Variants in PDE4D observed in about 807,000 individuals in gnomAD.
PDE4D encodes 3',5'-cyclic-AMP phosphodiesterase 4D.
Under a neutral mutation model 87.4 loss-of-function variants are expected in PDE4D, and 24 were observed. The ratio of observed to expected loss-of-function variants is 0.27; its 90% CI spans 0.20 to 0.39. PDE4D has a LOEUF of 0.39. Among genes scored for constraint, PDE4D ranks in the 10% least tolerant of loss-of-function variants. PDE4D has a pLI of 1.00. For synonymous variants in PDE4D, 384 were observed against 383.2 expected (o/e 1.00, Z -0.02); for missense variants, 714 against 1,041.0 (o/e 0.69, Z 4.32).
At chr5:60,177,511 G>T (rs896133815) in intron 2 of PDE4D, among the ~76,000 whole-genome samples, 4 of 152,132 alleles carry the variant, frequency 2.6e-5, no homozygotes, top group Non-Finnish European at 5.9e-5. Context: ...GGCAATGAAT[G>T]TCCGACAAAC....
At chr5:60,516,774 A>AT (rs147324646) in intron 1 of PDE4D, among the ~76,000 whole-genome samples, 13,203 of 152,288 alleles carry the variant, frequency 0.087, 760 homozygotes, top group Non-Finnish European at 0.12. Flanking sequence ...ACACTAAGGT[A>AT]GGTAATGTAA....
intron 1 of PDE4D, among the ~76,000 whole-genome samples, chr5:59,652,375 C>T (rs910453936): frequency 6.6e-6 from 1 of 152,134 alleles, no homozygotes; most frequent in Non-Finnish European, 1.5e-5. Flanking sequence ...CCATAATTCC[C>T]CTTATGTACA....
chr5:60,060,243 T>C (rs1016335754), intron 2 of PDE4D, among the ~76,000 whole-genome samples: 7 of 152,202 alleles, frequency 4.6e-5, no homozygotes, highest in African/African-American at 1.7e-4. Flanking sequence ...TCTTTTAAAT[T>C]TGAAGAAGTT....
At chr5:59,588,141 C>T (rs918321385) in intron 1 of PDE4D, among the ~76,000 whole-genome samples, 3 of 152,062 alleles carry the variant, frequency 2.0e-5, no homozygotes, top group African/African-American at 4.8e-5. Flanking sequence ...ATTGCAATTG[C>T]GCATGCCATA....
At chr5:59,853,890 T>C (rs550089822) in intron 1 of PDE4D, among the ~76,000 whole-genome samples, 15 of 152,188 alleles carry the variant, frequency 9.9e-5, no homozygotes, top group African/African-American at 3.4e-4. Flanking sequence ...CATGATTTAA[T>C]GGGTGCCTAG....
intron 11 of PDE4D, among the ~76,000 whole-genome samples, chr5:58,985,929 G>C (rs1746317819): frequency 6.6e-6 from 1 of 152,146 alleles, no homozygotes. Context: ...ACTAACTAAG[G>C]CTGTAATTTT....
chr5:59,697,881 C>T (rs1038927852), intron 1 of PDE4D, among the ~76,000 whole-genome samples: 1 of 152,140 alleles, frequency 6.6e-6, no homozygotes, highest in Non-Finnish European at 1.5e-5. Flanking sequence ...AGCCCTTGGT[C>T]CTACTTGATG....
intron 1 of PDE4D, among the ~76,000 whole-genome samples, chr5:60,398,110 A>G (rs1452248374): frequency 6.6e-6 from 1 of 152,130 alleles, no homozygotes; most frequent in Non-Finnish European, 1.5e-5. Flanking sequence ...TTAATCTTCT[A>G]TGGTTGAATG....
chr5:59,260,548 A>AGT (rs1761810140), intron 1 of PDE4D, among the ~76,000 whole-genome samples: 1 of 151,866 alleles, frequency 6.6e-6, no homozygotes. Context: ...ATCTTATTGA[A>AGT]GTAAGTTAGC....
At chr5:59,000,422 A>G (rs1300047823) in intron 6 of PDE4D, among the ~76,000 whole-genome samples, 1 of 152,232 alleles carries the variant, frequency 6.6e-6, no homozygotes, top group African/African-American at 2.4e-5. Context: ...ATAAAAGCAT[A>G]GGGATTAAAC....
At chr5:60,445,561 G>T (rs1004915389) in intron 1 of PDE4D, among the ~76,000 whole-genome samples, 1 of 152,134 alleles carries the variant, frequency 6.6e-6, no homozygotes, top group Non-Finnish European at 1.5e-5. Context: ...TTGGGATGAT[G>T]AAGTCATTTC....
At chr5:60,030,936 C>T (rs971510046) in intron 2 of PDE4D, 4 of 152,090 alleles carry the variant, frequency 2.6e-5, no homozygotes, top group East Asian at 3.9e-4. Context: ...AGTTGATGGA[C>T]CACTGCAATT....
chr5:59,793,693 A>C (rs1307745158), intron 1 of PDE4D, among the ~76,000 whole-genome samples: 5 of 152,216 alleles, frequency 3.3e-5, no homozygotes, highest in African/African-American at 1.2e-4. Context: ...GCTCTAGTAA[A>C]ACAATTATCT....
At chr5:60,307,885 A>G (rs972606969) in intron 1 of PDE4D, among the ~76,000 whole-genome samples, 1 of 152,162 alleles carries the variant, frequency 6.6e-6, no homozygotes, top group African/African-American at 2.4e-5. Flanking sequence ...TACTAAAAAT[A>G]CAAAAATTAG....
chr5:59,551,385 A>G (rs1480676342), intron 1 of PDE4D, among the ~76,000 whole-genome samples: 2 of 151,120 alleles, frequency 1.3e-5, no homozygotes, highest in African/African-American at 2.4e-5. Flanking sequence ...CTAACTTTAT[A>G]TTATTTTCCC....
chr5:59,339,500 T>C (rs895670492), intron 1 of PDE4D, among the ~76,000 whole-genome samples: 1 of 152,198 alleles, frequency 6.6e-6, no homozygotes, highest in African/African-American at 2.4e-5. Flanking sequence ...TTTTAAAAAG[T>C]TAAACAGTTT....
intron 1 of PDE4D, among the ~76,000 whole-genome samples, chr5:59,865,489 T>C (rs946606566): frequency 2.6e-5 from 4 of 152,198 alleles, no homozygotes; most frequent in Non-Finnish European, 5.9e-5. Context: ...CACAGCCTTT[T>C]GTAGAGCCAA....
At chr5:60,077,171 G>A (rs141074658) in intron 2 of PDE4D, among the ~76,000 whole-genome samples, 2 of 152,326 alleles carry the variant, frequency 1.3e-5, no homozygotes, top group Non-Finnish European at 2.9e-5. Context: ...TGGGCTCTGT[G>A]CCACCCAGTG....
At chr5:59,517,842 C>T (rs1811451801) in intron 1 of PDE4D, among the ~76,000 whole-genome samples, 1 of 152,084 alleles carries the variant, frequency 6.6e-6, no homozygotes, top group Non-Finnish European at 1.5e-5. Context: ...TCATTACAGG[C>T]AATCTAAGTT....
Sources: gnomAD v4.1 joint callset for allele counts (sites outside exome capture counted in the v4.1 genomes callset) on GRCh38, gnomAD v4.1.1 for gene constraint, MANE v1.5 for transcripts, NCBI Gene and HGNC (gene_info 2026-07-23, HGNC 2026-07-21) for gene names.